The following CADM2 variants were observed in gnomAD, a reference collection of about 807,000 sequenced individuals.
The protein encoded by CADM2 is cell adhesion molecule 2, also known as immunoglobulin superfamily member 4D.
CADM2 carries 12 observed loss-of-function variants against 49.8 expected under a neutral mutation model. That is an observed-to-expected ratio of 0.24 (90% CI 0.15 to 0.39). The LOEUF (loss-of-function observed/expected upper bound fraction) is 0.39. Among genes scored for constraint, CADM2 ranks in the 10% least tolerant of loss-of-function variants. CADM2 has a pLI of 1.00. For synonymous variants in CADM2, 214 were observed against 175.4 expected, an observed-to-expected ratio of 1.22 and a Z score of -1.74; for missense variants, 378 against 492.3, an observed-to-expected ratio of 0.77 and a Z score of 2.20.
At chr3:85,134,271 G>A (rs1320668033) in intron 1 of CADM2, among the ~76,000 whole-genome samples, 3 of 152,206 alleles carry the variant, frequency 2.0e-5, no homozygotes, top group Non-Finnish European at 2.9e-5. Flanking sequence ...AGCTGAGGGA[G>A]CCGGCTCTGG....
chr3:85,661,418 G>A (rs1215351241), intron 1 of CADM2, among the ~76,000 whole-genome samples: 4 of 151,938 alleles, frequency 2.6e-5, no homozygotes, highest in Non-Finnish European at 5.9e-5. Flanking sequence ...TGTGAAATGA[G>A]CACAAAGGAC....
chr3:85,290,418 C>T (rs1416046264), intron 1 of CADM2, among the ~76,000 whole-genome samples: 1 of 152,192 alleles, frequency 6.6e-6, no homozygotes, highest in Admixed American at 6.5e-5. Flanking sequence ...CTGGAAGCTC[C>T]AACTGGGTGG....
At chr3:85,767,726 C>G (rs2069728596) in intron 2 of CADM2, among the ~76,000 whole-genome samples, 2 of 151,842 alleles carry the variant, frequency 1.3e-5, no homozygotes, top group Admixed American at 6.6e-5. Flanking sequence ...TCCATATGCA[C>G]CAAAAAAACA....
intron 2 of CADM2, among the ~76,000 whole-genome samples, chr3:85,780,741 A>T (rs888205631): frequency 1.3e-5 from 2 of 152,084 alleles, no homozygotes; most frequent in Non-Finnish European, 2.9e-5. Flanking sequence ...TCTTGCCTTT[A>T]GATATGTGAT....
intron 9 of CADM2, among the ~76,000 whole-genome samples, chr3:86,066,332 C>CAAAAAAAAAAAAAAAA (rs10663610): frequency 0.012 from 357 of 30,354 alleles, 88 homozygotes; most frequent in African/African-American, 0.051. Context: ...GACTCCGTCT[C>CAAAAAAAAAAAAAAAA]AAAAAAAAAA....
At chr3:85,861,574 G>C (rs1157314933) in intron 3 of CADM2, among the ~76,000 whole-genome samples, 1 of 152,092 alleles carries the variant, frequency 6.6e-6, no homozygotes, top group Non-Finnish European at 1.5e-5. Context: ...TCCCCTGGAG[G>C]TCAGGGGGTA....
intron 1 of CADM2, among the ~76,000 whole-genome samples, chr3:85,365,775 A>G (rs1458198905): frequency 6.6e-6 from 1 of 152,216 alleles, no homozygotes; most frequent in Non-Finnish European, 1.5e-5. Context: ...GTAAATTCTC[A>G]CATTTAAAAA....
intron 1 of CADM2, among the ~76,000 whole-genome samples, chr3:85,637,615 A>T (rs2064545366): frequency 7.6e-6 from 1 of 131,582 alleles, no homozygotes; most frequent in Non-Finnish European, 1.6e-5. Context: ...TCTCAAAAAA[A>T]AAAAAAAAAA....
chr3:85,605,524 T>C (rs947356302), intron 1 of CADM2, among the ~76,000 whole-genome samples: 1 of 152,060 alleles, frequency 6.6e-6, no homozygotes, highest in African/African-American at 2.4e-5. Flanking sequence ...GTTTAAACTA[T>C]ACAGAGTGAG....
chr3:85,995,121 G>A (rs184123425), intron 8 of CADM2, among the ~76,000 whole-genome samples: 1 of 151,476 alleles, frequency 6.6e-6, no homozygotes, highest in African/African-American at 2.4e-5. Flanking sequence ...GTGTTTTAAG[G>A]TCTAAGACAT....
chr3:85,070,858 G>T (rs2036705890), intron 1 of CADM2, among the ~76,000 whole-genome samples: 3 of 151,894 alleles, frequency 2.0e-5, no homozygotes, highest in Non-Finnish European at 4.4e-5. Context: ...GCTGGGTGGT[G>T]CACACTTGTA....
At chr3:85,078,396 C>A (rs1376036911) in intron 1 of CADM2, among the ~76,000 whole-genome samples, 1 of 151,832 alleles carries the variant, frequency 6.6e-6, no homozygotes, top group African/African-American at 2.4e-5. Context: ...GATCAGCCAC[C>A]AGCTTTTCAG....
intron 1 of CADM2, among the ~76,000 whole-genome samples, chr3:85,426,244 C>A (rs902712888): frequency 4.6e-5 from 7 of 151,716 alleles, no homozygotes; most frequent in Admixed American, 3.9e-4. Context: ...TAGGCTCAAG[C>A]AATCTCCCTG....
intron 3 of CADM2, among the ~76,000 whole-genome samples, chr3:85,828,583 T>A (rs1478062858): frequency 6.6e-6 from 1 of 151,932 alleles, no homozygotes; most frequent in Non-Finnish European, 1.5e-5. Flanking sequence ...TGTCTATATA[T>A]CGTTAAATGT....
intron 1 of CADM2, among the ~76,000 whole-genome samples, chr3:85,666,251 C>T (rs1386736900): frequency 6.6e-6 from 1 of 151,948 alleles, no homozygotes; most frequent in African/African-American, 2.4e-5. Context: ...AGGACACAAA[C>T]AAATATCAAT....
chr3:85,466,470 T>C (rs1178063072), intron 1 of CADM2, among the ~76,000 whole-genome samples: 1 of 152,180 alleles, frequency 6.6e-6, no homozygotes, highest in Non-Finnish European at 1.5e-5. Context: ...TTTGCCTTTT[T>C]TGCAGTGGAA....
intron 2 of CADM2, among the ~76,000 whole-genome samples, 154 bp from the exon 3 acceptor site, chr3:85,801,893 A>G (rs1271210040): frequency 6.6e-6 from 1 of 152,150 alleles, no homozygotes; most frequent in Non-Finnish European, 1.5e-5. Context: ...GAGGATTTTC[A>G]ATTATTTTTC....
At chr3:85,513,177 A>G (rs965959519) in intron 1 of CADM2, among the ~76,000 whole-genome samples, 2 of 152,084 alleles carry the variant, frequency 1.3e-5, no homozygotes, top group African/African-American at 4.8e-5. Flanking sequence ...TTGTAGAAGC[A>G]TATTCTATCC....
chr3:86,002,176 T>C (rs1730267496), intron 8 of CADM2, among the ~76,000 whole-genome samples: 6 of 152,160 alleles, frequency 3.9e-5, no homozygotes, highest in Admixed American at 3.9e-4. Flanking sequence ...TAAGAAGATA[T>C]ATAAATAGAT....
Sources: allele counts gnomAD v4.1 joint callset (sites outside exome capture counted in the v4.1 genomes callset), GRCh38; gene constraint gnomAD v4.1.1; transcripts MANE v1.5; gene names NCBI Gene and HGNC (gene_info 2026-07-23, HGNC 2026-07-21).